Variants in SYNPR observed in about 807,000 individuals in gnomAD.
SYNPR encodes synaptoporin.
A neutral mutation model predicts 32.9 loss-of-function variants in SYNPR; 23 were observed. The ratio of observed to expected loss-of-function variants is 0.70; its 90% CI spans 0.50 to 0.99. The LOEUF is 0.99. SYNPR is among the 50% of genes least tolerant of loss of function. The pLI, the probability that SYNPR is intolerant of heterozygous loss-of-function variation, is 0.00. For synonymous variants in SYNPR, 146 were observed against 135.9 expected (o/e 1.07, Z -0.52); for missense variants, 318 against 349.3 (o/e 0.91, Z 0.71).
intron 2 of SYNPR, among the ~76,000 whole-genome samples, chr3:63,453,959 G>A (rs1700430564): frequency 6.6e-6 from 1 of 152,060 alleles, no homozygotes; most frequent in African/African-American, 2.4e-5. Flanking sequence ...AATCATTATT[G>A]CAGTAGATAG....
chr3:63,452,233 T>C (rs999235561), intron 2 of SYNPR: 3 of 549,818 alleles, frequency 5.5e-6, no homozygotes, highest in Admixed American at 3.0e-5. Context: ...GATACGGAGG[T>C]AACTAAAACA....
intron 2 of SYNPR, among the ~76,000 whole-genome samples, chr3:63,322,142 A>G (rs753432817): frequency 7.2e-5 from 11 of 152,034 alleles, no homozygotes; most frequent in Non-Finnish European, 1.5e-4. Flanking sequence ...ATGACACCCA[A>G]CACTGATGGA....
chr3:63,428,886 T>C lies in SYNPR; in HGVS notation c.85-51946T>C, dbSNP rs72885412. ...CCGTATGCTGTTGGCCAGAGAAAGA[T>C]ATGAGGTGACTCCAGATTCAAGGAG... On this transcript the variant is annotated intron_variant, in intron 2 of 5. Coordinates refer to ENST00000478300, the MANE Select transcript of SYNPR (RefSeq NM_001130003.2). 5.9e-4 allele frequency among the ~76,000 whole-genome samples: 90 copies of C among 152,280 alleles called. 1 individual carries two copies. Among genetic ancestry groups the C allele is most frequent in the African/African-American group, 2.1e-3 (86 of 41,560 alleles).
At chr3:63,319,167 G>A (rs1243689558) in intron 2 of SYNPR, among the ~76,000 whole-genome samples, 1 of 152,000 alleles carries the variant, frequency 6.6e-6, no homozygotes, top group Non-Finnish European at 1.5e-5. Flanking sequence ...GATGGCACTA[G>A]TTTTTGAAGA....
chr3:63,476,138 G>GA (rs1700901939), intron 2 of SYNPR, among the ~76,000 whole-genome samples: 1 of 32,856 alleles, frequency 3.0e-5, no homozygotes, highest in Non-Finnish European at 5.6e-5. Context: ...AGGAAGGAAG[G>GA]AAGGAAGGAA....
intron 2 of SYNPR, among the ~76,000 whole-genome samples, chr3:63,281,361 C>T (rs944868161): frequency 2.0e-5 from 3 of 152,300 alleles, no homozygotes; most frequent in African/African-American, 4.8e-5. Flanking sequence ...GCAATTTCCC[C>T]ATGCTGTAGA....
chr3:63,553,343 A>G (rs1702535176), intron 3 of SYNPR, among the ~76,000 whole-genome samples: 2 of 152,126 alleles, frequency 1.3e-5, no homozygotes, highest in South Asian at 4.2e-4. Flanking sequence ...TCAACCATTG[A>G]TGGGCACCTG....
chr3:63,518,747 G>A (rs958544463), intron 3 of SYNPR, among the ~76,000 whole-genome samples: 2 of 152,146 alleles, frequency 1.3e-5, no homozygotes, highest in African/African-American at 4.8e-5. Flanking sequence ...CCCTTCTGGA[G>A]AAGGAATTAT....
Position 63,425,939 on chromosome 3 carries a change from C to A in SYNPR, c.85-54893C>A, listed in dbSNP as rs748123770. On this transcript the variant is annotated intron_variant, in intron 2 of 5. Coordinates refer to ENST00000478300, the MANE Select transcript of SYNPR (RefSeq NM_001130003.2). Reference sequence around the variant, plus strand: ...CTGGGATTACAGGCATGCGCCACCACGCCCAGCTAATTTTTTTTTGCATTT... The same window carrying A: ...CTGGGATTACAGGCATGCGCCACCAAGCCCAGCTAATTTTTTTTTGCATTT... Among the ~76,000 whole-genome samples the A allele has an allele frequency of 5.9e-5, 9 of 152,118 alleles. No homozygotes were observed. The South Asian group carries it at 6.2e-4, about 11-fold the overall frequency.
At chr3:63,350,235 CACACACATACAA>C (rs1226583691) in intron 2 of SYNPR, among the ~76,000 whole-genome samples, 2 of 145,288 alleles carry the variant, frequency 1.4e-5, no homozygotes, top group East Asian at 4.5e-4. Context: ...CACACACACA[CACACACATACAA>C]ACACAATTAT....
chr3:63,372,373 A>G lies in SYNPR; in HGVS notation c.84+93631A>G, dbSNP rs568343329. The stretch of plus-strand genomic sequence containing the variant: ...ATGGCTCTGTGTATCTCTGAGAGGG[A>G]GCTCCCAGAGGCAACTGAAAGCCCC... On this transcript the variant is annotated intron_variant, in intron 2 of 5. Transcript: ENST00000478300. Among the ~76,000 whole-genome samples the G allele has an allele frequency of 2.2e-3, 332 of 150,244 alleles. 1 individual carries two copies. Among genetic ancestry groups the G allele is most frequent in the African/African-American group, 7.8e-3 (319 of 40,678 alleles).
At chr3:63,201,290 G>C in the SYNPR span, among the ~76,000 whole-genome samples, 1 of 152,130 alleles carries the variant, frequency 6.6e-6, no homozygotes, top group South Asian at 2.1e-4. Context: ...ACCAGCAAAG[G>C]CATCATATTT....
intron 2 of SYNPR, among the ~76,000 whole-genome samples, chr3:63,474,499 C>G (rs560393532): frequency 6.6e-6 from 1 of 152,236 alleles, no homozygotes; most frequent in Non-Finnish European, 1.5e-5. Context: ...ATCAACAAAA[C>G]AAGCCCAAAG....
rs532164668 is a variant in SYNPR at position 63,267,616 on chromosome 3, C to G, written n.287+167C>G. On this transcript the variant is annotated intron_variant and non_coding_transcript_variant, in intron 3 of 4. Transcript: ENST00000478456. ...ATCAGAAGCTGTTAGTTAAGAGGGACAGGAAGAGACACCAGGAGAGAAAGA... is the reference window on the plus strand; with the variant it reads ...ATCAGAAGCTGTTAGTTAAGAGGGAGAGGAAGAGACACCAGGAGAGAAAGA... 2.3e-4 allele frequency among the ~76,000 whole-genome samples: 35 copies of G among 152,214 alleles called. 1 individual carries two copies. The Middle Eastern group carries it at 0.01, about 44-fold the overall frequency.
chr3:63,401,952 G>C (rs568133344), intron 2 of SYNPR, among the ~76,000 whole-genome samples: 1 of 152,292 alleles, frequency 6.6e-6, no homozygotes, highest in South Asian at 2.1e-4. Flanking sequence ...TTCTGCCAGA[G>C]AGACACCTAG....
chr3:63,443,140 G>A, intron 2 of SYNPR: 1 of 1,154,432 alleles, frequency 8.7e-7, no homozygotes, highest in Non-Finnish European at 1.1e-6. Context: ...CATGGTGGCA[G>A]CCACCTCCCC....
intron 2 of SYNPR, among the ~76,000 whole-genome samples, chr3:63,319,957 A>T (rs1036288244): frequency 6.6e-6 from 1 of 151,848 alleles, no homozygotes; most frequent in Non-Finnish European, 1.5e-5. Context: ...CTATTTTCTT[A>T]TTCATTTATT....
At chr3:63,564,687 C>T (rs115961912) in intron 4 of SYNPR, among the ~76,000 whole-genome samples, 1,763 of 152,238 alleles carry the variant, frequency 0.012, 42 homozygotes, top group African/African-American at 0.041. Flanking sequence ...AAAATTTTCC[C>T]GGTGTGCTTT....
intron 1 of SYNPR, among the ~76,000 whole-genome samples, chr3:63,248,026 A>T (rs1326884822): frequency 6.6e-6 from 1 of 152,160 alleles, no homozygotes; most frequent in Non-Finnish European, 1.5e-5. Context: ...AGAGCTGGCC[A>T]GAGCACTGAA....
Sources: allele counts gnomAD v4.1 joint callset (sites outside exome capture counted in the v4.1 genomes callset), GRCh38; gene constraint gnomAD v4.1.1; transcripts MANE v1.5; gene names NCBI Gene and HGNC (gene_info 2026-07-23, HGNC 2026-07-21).